Variants in DLGAP2 observed in about 807,000 individuals in gnomAD.
The protein encoded by DLGAP2 is disks large-associated protein 2.
In DLGAP2, 26 loss-of-function variants were observed where a neutral mutation model predicts 100.3. The ratio of observed to expected loss-of-function variants is 0.26; its 90% CI spans 0.19 to 0.36. The LOEUF (loss-of-function observed/expected upper bound fraction) is 0.36, where lower values mean the gene tolerates loss of function less well. DLGAP2 is among the 10% of genes least tolerant of loss of function. The pLI is 1.00. For missense variants in DLGAP2, 1,858 were observed against 1,453.2 expected (o/e 1.28, Z -4.53); for synonymous variants, 886 against 630.1 (o/e 1.41, Z -6.08).
At chr8:1,088,032 C>T (rs143489542) in intron 2 of DLGAP2, among the ~76,000 whole-genome samples, 292 of 152,350 alleles carry the variant, frequency 1.9e-3, no homozygotes, top group African/African-American at 6.4e-3. Context: ...GGTCCCTTCC[C>T]GTCTGGCTCT....
chr8:846,910 A>T (rs960651695), intron 1 of DLGAP2, among the ~76,000 whole-genome samples: 1 of 152,154 alleles, frequency 6.6e-6, no homozygotes, highest in African/African-American at 2.4e-5. Flanking sequence ...GGGTTATTCT[A>T]TCCATCTTCA....
rs1395356085 is a variant in DLGAP2, at chr8:1,259,626, A to T, written c.106+743A>T. ...ACTCGGGACACAGCCAACCCCAGGA[A>T]TGTGCCTTTGGGTCAGAGCCCAGCC... On this transcript the variant is annotated intron_variant, in intron 3 of 14. Coordinates refer to ENST00000637795, the MANE Select transcript of DLGAP2 (RefSeq NM_001346810.2). 2.6e-5 allele frequency: 4 copies of T among 152,182 alleles called. No homozygotes were observed. In the East Asian group the frequency reaches 7.7e-4, roughly 29 times the overall value. 9.4% of individuals were successfully genotyped at this position (152,182 alleles called of 1,614,324 possible). A position where few individuals can be genotyped will look rare whatever the true frequency, so the allele number is the denominator to read the frequency against.
At chr8:1,472,214 C>T (rs1798822384) in intron 3 of DLGAP2, among the ~76,000 whole-genome samples, 1 of 152,160 alleles carries the variant, frequency 6.6e-6, no homozygotes, top group African/African-American at 2.4e-5. Flanking sequence ...GGAGGGATGC[C>T]TGCCGCCATG....
At chr8:1,079,048 T>G (rs1803715188) in intron 2 of DLGAP2, among the ~76,000 whole-genome samples, 1 of 152,230 alleles carries the variant, frequency 6.6e-6, no homozygotes, top group African/African-American at 2.4e-5. Context: ...TGTTGCTCCA[T>G]GTCCTCACCA....
chr8:1,214,508 G>C (rs149493027), intron 2 of DLGAP2, among the ~76,000 whole-genome samples: 18 of 152,328 alleles, frequency 1.2e-4, no homozygotes, highest in African/African-American at 4.3e-4. Context: ...ACAGAGGGCA[G>C]TGGCCAAGGT....
intron 2 of DLGAP2, among the ~76,000 whole-genome samples, chr8:1,043,988 C>T (rs1369882220): frequency 6.6e-6 from 1 of 152,016 alleles, no homozygotes; most frequent in Non-Finnish European, 1.5e-5. Context: ...ACCTCTGAAG[C>T]CCCCAGGACT....
chr8:1,428,748 G>A (rs1456453052), intron 3 of DLGAP2, among the ~76,000 whole-genome samples: 2 of 152,184 alleles, frequency 1.3e-5, no homozygotes, highest in South Asian at 2.1e-4. Flanking sequence ...TCAAGTGGAA[G>A]CTTTGCAGGC....
At chr8:1,652,060 T>C (rs1798179822) in intron 8 of DLGAP2, among the ~76,000 whole-genome samples, 1 of 152,198 alleles carries the variant, frequency 6.6e-6, no homozygotes, top group African/African-American at 2.4e-5. Context: ...GTTGGTTTTT[T>C]TCTGGTCATA....
intron 2 of DLGAP2, among the ~76,000 whole-genome samples, chr8:1,256,661 G>A (rs1799228696): frequency 6.6e-6 from 1 of 151,620 alleles, no homozygotes. Context: ...ATGCCCGCGT[G>A]GGGAGTCTCA....
chr8:786,729 A>G (rs1821877772), intron 1 of DLGAP2, among the ~76,000 whole-genome samples: 5 of 151,524 alleles, frequency 3.3e-5, no homozygotes, highest in South Asian at 2.1e-4. Context: ...CCTGTTAGCA[A>G]CTGCCTCCGA....
chr8:1,033,875 C>A (rs1370630795), intron 2 of DLGAP2, among the ~76,000 whole-genome samples: 6 of 118,480 alleles, frequency 5.1e-5, no homozygotes, highest in African/African-American at 1.3e-4. Context: ...ACAGCCTCAT[C>A]CCGACCCCGC....
intron 3 of DLGAP2, among the ~76,000 whole-genome samples, chr8:1,447,556 T>C (rs994355656): frequency 6.6e-6 from 1 of 152,220 alleles, no homozygotes; most frequent in Non-Finnish European, 1.5e-5. Flanking sequence ...TCTTTTTCGG[T>C]TGTGTCTCTG....
At chr8:784,157 C>T (rs1469822323) in intron 1 of DLGAP2, among the ~76,000 whole-genome samples, 1 of 152,198 alleles carries the variant, frequency 6.6e-6, no homozygotes. Flanking sequence ...GGAAAAATCT[C>T]ATTAAGAGAT....
chr8:1,019,470 G>A (rs1200337333), intron 2 of DLGAP2: 1 of 151,386 alleles, frequency 6.6e-6, no homozygotes, highest in Non-Finnish European at 1.5e-5. Flanking sequence ...ACCGAGAATC[G>A]CACATAGAAA....
chr8:1,379,963 C>T (rs73170501), intron 3 of DLGAP2, among the ~76,000 whole-genome samples: 26,314 of 151,018 alleles, frequency 0.17, 2,902 homozygotes, highest in East Asian at 0.28. Flanking sequence ...TCGGTGGGGG[C>T]CTGCTCTTTT....
chr8:741,003 G>A (rs1820467474), intron 1 of DLGAP2, among the ~76,000 whole-genome samples: 1 of 152,178 alleles, frequency 6.6e-6, no homozygotes, highest in South Asian at 2.1e-4. Context: ...CATACAGGAA[G>A]TTAGTAGGCA....
rs374538901 is a variant in DLGAP2, at chr8:1,565,715, C to T, written c.1263C>T (p.Thr421=). 60 of 1,612,924 alleles carry T rather than the reference C, an allele frequency of 3.7e-5. No individual in the cohort carries two copies. The highest frequency in any genetic ancestry group is 6.7e-5 in the Admixed American group (4 of 59,872). Residue 421 remains threonine, a synonymous_variant, in exon 6 of 15, where the codon ACC becomes ACT. Coordinates refer to ENST00000637795, the MANE Select transcript of DLGAP2 (RefSeq NM_001346810.2). ...VPQDEWGGYP[T]GGKDEEIPCR... is the part of the protein sequence containing the mutation. ...AGGATGAGTGGGGAGGGTACCCCACCGGTGGCAAAGATGAGGAGATTCCCT... is the reference window on the plus strand; with the variant it reads ...AGGATGAGTGGGGAGGGTACCCCACTGGTGGCAAAGATGAGGAGATTCCCT...
intron 6 of DLGAP2, among the ~76,000 whole-genome samples, chr8:1,574,450 T>C (rs1395446314): frequency 2.0e-5 from 3 of 152,112 alleles, no homozygotes; most frequent in Non-Finnish European, 4.4e-5. Flanking sequence ...AAGTCAACTC[T>C]AGGTCTCTCA....
chr8:1,555,664 G>C (rs1801939979), intron 5 of DLGAP2, among the ~76,000 whole-genome samples: 1 of 152,204 alleles, frequency 6.6e-6, no homozygotes, highest in South Asian at 2.1e-4. Context: ...TCACCCCCCA[G>C]TTGTCCTGGG....
Sources: gnomAD v4.1 joint callset for allele counts (sites outside exome capture counted in the v4.1 genomes callset) on GRCh38, gnomAD v4.1.1 for gene constraint, MANE v1.5 for transcripts, NCBI Gene and HGNC (gene_info 2026-07-23, HGNC 2026-07-21) for gene names.